NAPG: variants seen among roughly 807,000 people sequenced by gnomAD.
The protein encoded by NAPG is NSF attachment protein gamma.
In NAPG, 25 loss-of-function variants were observed where a neutral mutation model predicts 48.4. That is an observed-to-expected ratio of 0.52 (90% CI 0.38 to 0.72). The LOEUF is 0.72. Among genes scored for constraint, NAPG ranks in the 30% least tolerant of loss-of-function variants. The pLI is 0.00. For missense variants in NAPG, 359 were observed against 372.5 expected, an observed-to-expected ratio of 0.96 and a Z score of 0.30; for synonymous variants, 139 against 127.2, an observed-to-expected ratio of 1.09 and a Z score of -0.62.
intron 9 of NAPG, among the ~76,000 whole-genome samples, chr18:10,547,254 C>T (rs887079629): frequency 1.4e-4 from 21 of 152,164 alleles, no homozygotes; most frequent in African/African-American, 4.6e-4. Flanking sequence ...AAACAAGGCA[C>T]CACATGTAGT....
In NAPG at chr18:10,543,806, TTATAA is replaced by T. The variant is rs1426165655; in HGVS notation, c.507-2517_507-2513del. On this transcript the variant is annotated intron_variant, in intron 8 of 11. Transcript: ENST00000322897. The surrounding 1 kb of genome is among the most constrained non-coding windows in gnomAD (Gnocchi z 4.4). ...AAAAGTTGAAAGCATCTGTGTTTCA[TTATAA>T]TAAGTAACTAATACTTTTCTGGATA... 6.6e-6 allele frequency among the ~76,000 whole-genome samples: 1 copy of T among 152,230 alleles called. No individual in the cohort carries two copies. The highest frequency in any genetic ancestry group is 6.5e-5 in the Admixed American group (1 of 15,284).
At chr18:10,541,831 T>C (rs1253737906) in intron 8 of NAPG, among the ~76,000 whole-genome samples, 2 of 152,226 alleles carry the variant, frequency 1.3e-5, no homozygotes, top group Non-Finnish European at 2.9e-5. Context: ...CCTGAAGTAT[T>C]TCTGCTTTCC....
chr18:10,529,094 T>C (rs899426220), intron 1 of NAPG, among the ~76,000 whole-genome samples: 3 of 152,248 alleles, frequency 2.0e-5, no homozygotes, highest in African/African-American at 7.2e-5. Flanking sequence ...TCCTTATTAG[T>C]GGTGTTCATG....
In NAPG at chr18:10,552,592, A is replaced by G. The variant is rs1180299347; in HGVS notation, c.*2372A>G. On this transcript the variant is annotated 3_prime_UTR_variant, in exon 12 of 12. Transcript: ENST00000322897. Reference sequence around the variant, plus strand: ...GAAGTCCAGCTACAAAATAGATTTAATATATTGAATTTATTTGTACATATG... The same window carrying G: ...GAAGTCCAGCTACAAAATAGATTTAGTATATTGAATTTATTTGTACATATG... The G allele has an allele frequency of 6.6e-6, 1 of 152,210 alleles. No homozygotes were observed. The highest frequency in any genetic ancestry group is 6.5e-5 in the Admixed American group (1 of 15,282). 9.4% of individuals were successfully genotyped at this position (152,210 alleles called of 1,614,324 possible).
intron 1 of NAPG, among the ~76,000 whole-genome samples, chr18:10,529,667 C>T (rs899587020): frequency 6.6e-6 from 1 of 152,142 alleles, no homozygotes. Flanking sequence ...GCACGAGAGT[C>T]ACTTGAACCT....
intron 11 of NAPG, 85 bp downstream of exon 11, chr18:10,549,181 A>G: frequency 1.3e-6 from 2 of 1,481,720 alleles, no homozygotes; most frequent in Non-Finnish European, 1.8e-6. Flanking sequence ...CCATGTACTT[A>G]AGAGATTTTT....
At chr18:10,526,466 T>A (rs1264436774) in intron 1 of NAPG, 1 of 386,984 alleles carries the variant, frequency 2.6e-6, no homozygotes, top group Non-Finnish European at 4.7e-6. Flanking sequence ...GCTCTGCTCC[T>A]GAAGATTGTG....
Position 10,548,278 on chromosome 18 carries a change from T to C in NAPG, c.586-21T>C, listed in dbSNP as rs764217171. 2 of 1,579,076 alleles carry C rather than the reference T, an allele frequency of 1.3e-6. No homozygotes were observed. The highest frequency in any genetic ancestry group is 2.2e-5 in the South Asian group (2 of 90,176). On this transcript the variant is annotated intron_variant, in intron 9 of 11. Coordinates refer to ENST00000322897, the MANE Select transcript of NAPG (RefSeq NM_003826.3). This position sits in a 1 kb window ranked among gnomAD's most constrained non-coding sequence, Gnocchi z 4.4. ...TATTAAACAGATGTAAATTTGACCA[T>C]GATCCTCTCTTTTGTTTTAGAAAAC...
Position 10,551,135 on chromosome 18 carries a change from C to T in NAPG, c.*915C>T, listed in dbSNP as rs147607391. On this transcript the variant is annotated 3_prime_UTR_variant, in exon 12 of 12. Transcript: ENST00000322897. ...TTTTTTTTGTTGAGATGGAGTTGCT[C>T]CATGTTGCACAGGCTGTTCTCAAAC... 1 of 150,794 alleles carries T rather than the reference C, an allele frequency of 6.6e-6. No individual in the cohort carries two copies. The highest frequency in any genetic ancestry group is 1.5e-5 in the Non-Finnish European group (1 of 67,848). 9.3% of individuals were successfully genotyped at this position (150,794 alleles called of 1,614,324 possible). A position where few individuals can be genotyped will look rare whatever the true frequency, so the allele number is the denominator to read the frequency against.
chr18:10,532,602 G>C, intron 2 of NAPG, 109 bp from the exon 3 acceptor site: 1 of 747,194 alleles, frequency 1.3e-6, no homozygotes, highest in South Asian at 2.4e-5. Flanking sequence ...TACTTCCTAA[G>C]TATTTGAAGT....
At position 10,546,277 on chromosome 18, in the gene NAPG, T is replaced by C; in HGVS notation, c.507-49T>C. 1 of 1,231,112 alleles carries C rather than the reference T, an allele frequency of 8.1e-7. No homozygotes were observed. The highest frequency in any genetic ancestry group is 1.1e-6 in the Non-Finnish European group (1 of 871,622). The allele number at this position is 1,231,112 out of a possible 1,614,324, so 76.3% of individuals were successfully genotyped here. A position where few individuals can be genotyped will look rare whatever the true frequency, so the allele number is the denominator to read the frequency against. ...AGTACATTTCACAGGGGACCTCTGCTATAGATCATTTAGACCTGCTTTTTT... is the reference window on the plus strand; with the variant it reads ...AGTACATTTCACAGGGGACCTCTGCCATAGATCATTTAGACCTGCTTTTTT... On this transcript the variant is annotated intron_variant, in intron 8 of 11. Transcript: ENST00000322897. The surrounding 1 kb of genome is among the most constrained non-coding windows in gnomAD (Gnocchi z 4.0).
Position 10,546,384 on chromosome 18 carries a change from A to T in NAPG, c.565A>T (p.Asn189Tyr), listed in dbSNP as rs2032266853. Residue 189 changes from asparagine (N) to tyrosine (Y), a missense_variant, in exon 9 of 12, where the codon AAT (asparagine) becomes TAT (tyrosine). Coordinates refer to ENST00000322897, the MANE Select transcript of NAPG (RefSeq NM_003826.3). This position sits in a 1 kb window ranked among gnomAD's most constrained non-coding sequence, Gnocchi z 4.0. ...KEKNIYKEIE[N>Y]YPTCYKKTIA... ...AAAAAATATTTATAAGGAAATTGAG[A>T]ATTATCCAACTTGTTATAAGGTATT... 1 of 1,563,984 alleles carries T rather than the reference A, an allele frequency of 6.4e-7. No homozygotes were observed. Among genetic ancestry groups the T allele is most frequent in the Non-Finnish European group, 8.7e-7 (1 of 1,148,512 alleles).
In NAPG at chr18:10,542,155, G is replaced by T. The variant is rs982009807; in HGVS notation, c.506+1756G>T. ...CTAGTTGAGTGAGCAGCAGAAGTGAGAATGCTGCGTAGATGTGCTCAAAGG... is the reference window on the plus strand; with the variant it reads ...CTAGTTGAGTGAGCAGCAGAAGTGATAATGCTGCGTAGATGTGCTCAAAGG... On this transcript the variant is annotated intron_variant, in intron 8 of 11. Coordinates refer to ENST00000322897, the MANE Select transcript of NAPG (RefSeq NM_003826.3). This position sits in a 1 kb window ranked among gnomAD's most constrained non-coding sequence, Gnocchi z 4.5. Among the ~76,000 whole-genome samples, 31 of 152,132 alleles carry T rather than the reference G, an allele frequency of 2.0e-4. No homozygotes were observed. Among genetic ancestry groups the T allele is most frequent in the African/African-American group, 7.0e-4 (29 of 41,502 alleles).
intron 8 of NAPG, 172 bp downstream of exon 8, chr18:10,540,571 A>G (rs1018152844): frequency 1.5e-4 from 70 of 479,366 alleles, no homozygotes; most frequent in African/African-American, 1.3e-3. Flanking sequence ...TGAATTAGAT[A>G]TTAAAAGATC....
rs542667601 is a variant in NAPG at position 10,534,057 on chromosome 18, G to C, written c.228-409G>C. On this transcript the variant is annotated intron_variant, in intron 4 of 11. Coordinates refer to ENST00000322897, the MANE Select transcript of NAPG (RefSeq NM_003826.3). The surrounding 1 kb of genome is among the most constrained non-coding windows in gnomAD (Gnocchi z 5.0). The stretch of plus-strand genomic sequence containing the variant: ...AGCTGTTGGGGAGGCTGAGGCAGGA[G>C]ACTTGCTTGAACCTGGGAGATGGAG... Among the ~76,000 whole-genome samples the C allele has an allele frequency of 6.6e-6, 1 of 152,306 alleles. No homozygotes were observed. The highest frequency in any genetic ancestry group is 1.9e-4 in the East Asian group (1 of 5,184).
chr18:10,548,841 C>A lies in NAPG; in HGVS notation c.666-126C>A. ...GTCTCTGCCCTCTAGATGCCACTAGCATTCCCACACTTTTAAGTACCAAAA... is the reference window on the plus strand; with the variant it reads ...GTCTCTGCCCTCTAGATGCCACTAGAATTCCCACACTTTTAAGTACCAAAA... On this transcript the variant is annotated intron_variant, in intron 10 of 11. Transcript: ENST00000322897. This position sits in a 1 kb window ranked among gnomAD's most constrained non-coding sequence, Gnocchi z 4.4. 1.7e-6 allele frequency: 2 copies of A among 1,204,364 alleles called. No homozygotes were observed. Among genetic ancestry groups the A allele is most frequent in the Non-Finnish European group, 2.3e-6 (2 of 875,170 alleles). 74.6% of individuals were successfully genotyped at this position (1,204,364 alleles called of 1,614,324 possible).
Position 10,543,633 on chromosome 18 carries a change from G to C in NAPG, c.507-2693G>C, listed in dbSNP as rs553632999. ...CTGTTGAAAGCTTGGGGATGAATGA[G>C]GTTCTGTGACAGTTTTCTGCCATTT... On this transcript the variant is annotated intron_variant, in intron 8 of 11. Coordinates refer to ENST00000322897, the MANE Select transcript of NAPG (RefSeq NM_003826.3). This position sits in a 1 kb window ranked among gnomAD's most constrained non-coding sequence, Gnocchi z 4.4. 8.5e-5 allele frequency among the ~76,000 whole-genome samples: 13 copies of C among 152,290 alleles called. No individual in the cohort carries two copies. The South Asian group carries it at 2.5e-3, about 29-fold the overall frequency.
chr18:10,537,318 T>A (rs1407418704), intron 5 of NAPG, among the ~76,000 whole-genome samples: 2 of 152,202 alleles, frequency 1.3e-5, no homozygotes, highest in African/African-American at 4.8e-5. Context: ...GTATGTTGTA[T>A]GGAATATGTT....
chr18:10,526,243 AGGG>A, intron 1 of NAPG, 85 bp downstream of exon 1: 35 of 316,576 alleles, frequency 1.1e-4, no homozygotes, highest in East Asian at 4.0e-4. Flanking sequence ...GGGGGGCGGG[AGGG>A]AGGGCTCAGG....
Sources: allele counts gnomAD v4.1 joint callset (sites outside exome capture counted in the v4.1 genomes callset), GRCh38; gene constraint gnomAD v4.1.1; non-coding constraint Gnocchi (gnomAD v3.1); transcripts MANE v1.5; gene names NCBI Gene and HGNC (gene_info 2026-07-23, HGNC 2026-07-21).